The following QTMAN variants were observed in gnomAD, a reference collection of about 807,000 sequenced individuals.
QTMAN encodes the protein queuosine-tRNA mannosyltransferase.
the QTMAN span, among the ~76,000 whole-genome samples, chr2:144,153,746 C>T: frequency 6.6e-6 from 1 of 152,108 alleles, no homozygotes; most frequent in East Asian, 1.9e-4. Context: ...CCATGGCTTT[C>T]CATGATCACT....
chr2:143,985,406 A>G, the QTMAN span, among the ~76,000 whole-genome samples: 1 of 152,220 alleles, frequency 6.6e-6, no homozygotes, highest in African/African-American at 2.4e-5. Flanking sequence ...CATTTTTTGC[A>G]AGAAGTAATA....
At chr2:144,110,681 C>T in the QTMAN span, among the ~76,000 whole-genome samples, 8 of 135,630 alleles carry the variant, frequency 5.9e-5, no homozygotes, top group Non-Finnish European at 1.2e-4. Flanking sequence ...AAAAATCGAC[C>T]CCCCCCCAAA....
the QTMAN span, chr2:144,145,456 A>G: frequency 1.6e-6 from 1 of 643,976 alleles, no homozygotes; most frequent in South Asian, 2.3e-5. Context: ...ATTTGCACCT[A>G]CCTTATGGTG....
chr2:144,094,133 G>A, the QTMAN span, among the ~76,000 whole-genome samples: 1 of 152,256 alleles, frequency 6.6e-6, no homozygotes, highest in Non-Finnish European at 1.5e-5. Context: ...ACAATAAACT[G>A]CGCATTAAAT....
the QTMAN span, among the ~76,000 whole-genome samples, chr2:144,287,589 T>C: frequency 6.6e-6 from 1 of 152,168 alleles, no homozygotes; most frequent in Non-Finnish European, 1.5e-5. Context: ...TGCATTAGTG[T>C]AAGACCTTTT....
chr2:144,264,886 T>C, the QTMAN span, among the ~76,000 whole-genome samples: 1 of 152,236 alleles, frequency 6.6e-6, no homozygotes, highest in African/African-American at 2.4e-5. Context: ...CCCATGTATC[T>C]TGCCAGGAGA....
At chr2:144,225,410 T>C in the QTMAN span, among the ~76,000 whole-genome samples, 2 of 152,184 alleles carry the variant, frequency 1.3e-5, no homozygotes, top group African/African-American at 2.4e-5. Flanking sequence ...TTTATAGATA[T>C]CTTGATGTCA....
At chr2:143,949,133 T>TAA in the QTMAN span, among the ~76,000 whole-genome samples, 1 of 151,890 alleles carries the variant, frequency 6.6e-6, no homozygotes, top group Non-Finnish European at 1.5e-5. Context: ...TGTGTGTGTA[T>TAA]AAGAGAGAAA....
At chr2:144,179,741 T>C in the QTMAN span, among the ~76,000 whole-genome samples, 2 of 152,264 alleles carry the variant, frequency 1.3e-5, no homozygotes, top group African/African-American at 4.8e-5. Context: ...AGCTACTTAG[T>C]TTTCCACATT....
At chr2:144,071,279 T>A in the QTMAN span, among the ~76,000 whole-genome samples, 1 of 151,042 alleles carries the variant, frequency 6.6e-6, no homozygotes. Flanking sequence ...AGGAACAAAA[T>A]AGAGTTTCGA....
At chr2:144,288,915 A>C in the QTMAN span, among the ~76,000 whole-genome samples, 1 of 152,190 alleles carries the variant, frequency 6.6e-6, no homozygotes, top group African/African-American at 2.4e-5. Flanking sequence ...GGAGGGAAAC[A>C]GATAGGGAGA....
the QTMAN span, among the ~76,000 whole-genome samples, chr2:144,100,150 A>G: frequency 1.3e-5 from 2 of 152,216 alleles, no homozygotes; most frequent in Non-Finnish European, 2.9e-5. Flanking sequence ...ATAACTGGCA[A>G]TCACCTTGAA....
the QTMAN span, among the ~76,000 whole-genome samples, chr2:144,043,859 G>A: frequency 5.3e-4 from 80 of 152,254 alleles, no homozygotes; most frequent in African/African-American, 1.7e-3. Flanking sequence ...GAATTATGCT[G>A]CTTCAGAAAA....
At chr2:144,315,453 C>T in the QTMAN span, among the ~76,000 whole-genome samples, 2 of 152,174 alleles carry the variant, frequency 1.3e-5, no homozygotes, top group Non-Finnish European at 2.9e-5. Context: ...GAAGCCATTA[C>T]CTGAACTAGC....
chr2:144,041,266 A>G, the QTMAN span, among the ~76,000 whole-genome samples: 2 of 152,198 alleles, frequency 1.3e-5, no homozygotes, highest in Non-Finnish European at 2.9e-5. Flanking sequence ...AAGTAATAAA[A>G]TTGACTTTTC....
At chr2:144,199,879 C>T in the QTMAN span, among the ~76,000 whole-genome samples, 3 of 152,190 alleles carry the variant, frequency 2.0e-5, no homozygotes, top group African/African-American at 7.2e-5. Flanking sequence ...AAAGTTAATA[C>T]TAATACTCCA....
the QTMAN span, among the ~76,000 whole-genome samples, chr2:144,093,339 T>A: frequency 2.6e-5 from 4 of 152,336 alleles, no homozygotes; most frequent in African/African-American, 9.6e-5. Flanking sequence ...AGCAAATTTT[T>A]AAAATCAAAT....
At chr2:144,027,818 TTTAAAG>T in the QTMAN span, among the ~76,000 whole-genome samples, 2 of 152,214 alleles carry the variant, frequency 1.3e-5, no homozygotes, top group Non-Finnish European at 2.9e-5. Context: ...AAGATAGGGC[TTTAAAG>T]TTAGTTAATT....
At chr2:144,180,220 T>G in the QTMAN span, among the ~76,000 whole-genome samples, 8 of 152,220 alleles carry the variant, frequency 5.3e-5, no homozygotes, top group Non-Finnish European at 8.8e-5. Flanking sequence ...TTTCATTTTT[T>G]CTTTACTTTT....
Sources: allele counts gnomAD v4.1 joint callset (sites outside exome capture counted in the v4.1 genomes callset), GRCh38; gene constraint gnomAD v4.1.1; transcripts MANE v1.5; gene names NCBI Gene and HGNC (gene_info 2026-07-23, HGNC 2026-07-21).